Variants in UBE2E2 observed in about 807,000 individuals in gnomAD.
UBE2E2 encodes ubiquitin conjugating enzyme E2 E2.
UBE2E2 carries 6 observed loss-of-function variants against 24.7 expected under a neutral mutation model. The ratio of observed to expected loss-of-function variants is 0.24; its 90% CI spans 0.13 to 0.48. The LOEUF (loss-of-function observed/expected upper bound fraction) is 0.48, where lower values mean the gene tolerates loss of function less well. Among genes scored for constraint, UBE2E2 ranks in the 20% least tolerant of loss-of-function variants. The pLI is 0.99. For missense variants in UBE2E2, 169 were observed against 245.0 expected (o/e 0.69, Z 2.07); for synonymous variants, 104 against 83.6 (o/e 1.24, Z -1.33).
intron 5 of UBE2E2, among the ~76,000 whole-genome samples, chr3:23,545,638 C>T (rs1695505982): frequency 6.6e-6 from 1 of 152,132 alleles, no homozygotes; most frequent in Admixed American, 6.6e-5. Context: ...ATCTACCATT[C>T]AATCCAACAA....
At chr3:23,221,206 T>TA (rs1696626659) in intron 3 of UBE2E2, among the ~76,000 whole-genome samples, 1 of 152,236 alleles carries the variant, frequency 6.6e-6, no homozygotes, top group Admixed American at 6.5e-5. Flanking sequence ...AGGATGTAGT[T>TA]ATACTAGCAG....
intron 3 of UBE2E2, among the ~76,000 whole-genome samples, chr3:23,281,723 C>T (rs574618150): frequency 1.8e-4 from 28 of 152,190 alleles, no homozygotes; most frequent in Non-Finnish European, 2.6e-4. Context: ...GAATAAATAA[C>T]CAGTAAATAA....
intron 3 of UBE2E2, among the ~76,000 whole-genome samples, chr3:23,395,028 A>G (rs1697041731): frequency 6.6e-6 from 1 of 152,200 alleles, no homozygotes; most frequent in South Asian, 2.1e-4. Flanking sequence ...GAACAGGAAG[A>G]GAAAGATCAT....
chr3:23,288,692 T>C (rs906786419), intron 3 of UBE2E2, among the ~76,000 whole-genome samples: 13 of 152,362 alleles, frequency 8.5e-5, no homozygotes, highest in Non-Finnish European at 1.9e-4. Context: ...AGTTTTTGTT[T>C]TGAAATCTAT....
chr3:23,300,148 C>T (rs561136091), intron 3 of UBE2E2, among the ~76,000 whole-genome samples: 1 of 152,286 alleles, frequency 6.6e-6, no homozygotes, highest in African/African-American at 2.4e-5. Context: ...AGATCTTCCT[C>T]CATCCCTTTG....
At chr3:23,264,470 GTC>G (rs1290533554) in intron 3 of UBE2E2, among the ~76,000 whole-genome samples, 1 of 152,020 alleles carries the variant, frequency 6.6e-6, no homozygotes, top group East Asian at 1.9e-4. Flanking sequence ...CACAAAAGGA[GTC>G]TCTGGGAGAT....
intron 5 of UBE2E2, among the ~76,000 whole-genome samples, chr3:23,536,005 A>G (rs1695255548): frequency 6.6e-6 from 1 of 152,204 alleles, no homozygotes; most frequent in African/African-American, 2.4e-5. Context: ...GAATTGCCAA[A>G]GTTGAGAATA....
intron 3 of UBE2E2, among the ~76,000 whole-genome samples, chr3:23,303,979 C>G (rs958890505): frequency 1.3e-5 from 2 of 152,214 alleles, no homozygotes; most frequent in African/African-American, 2.4e-5. Flanking sequence ...GAGCTGGATT[C>G]TTCCCAGGGC....
chr3:23,393,134 A>T (rs1207973926), intron 3 of UBE2E2, among the ~76,000 whole-genome samples: 3 of 152,088 alleles, frequency 2.0e-5, no homozygotes, highest in African/African-American at 7.2e-5. Context: ...GCACAACCAG[A>T]TGGCTGTTGA....
chr3:23,282,360 G>C (rs568666898), intron 3 of UBE2E2, among the ~76,000 whole-genome samples: 3 of 152,200 alleles, frequency 2.0e-5, no homozygotes, highest in Non-Finnish European at 2.9e-5. Context: ...AGTCTTACCT[G>C]CTAATAAAAT....
chr3:23,273,649 TC>T (rs368847269), intron 3 of UBE2E2, among the ~76,000 whole-genome samples: 113 of 152,374 alleles, frequency 7.4e-4, no homozygotes, highest in African/African-American at 2.2e-3. Context: ...AGTCATAGTT[TC>T]CAGGAACCTA....
At chr3:23,223,401 C>T (rs1379938224) in intron 3 of UBE2E2, among the ~76,000 whole-genome samples, 5 of 152,102 alleles carry the variant, frequency 3.3e-5, no homozygotes, top group East Asian at 1.9e-4. Flanking sequence ...CCGTGTTGGC[C>T]GGGCTGGTCT....
chr3:23,528,169 A>ACC (rs963191469), intron 4 of UBE2E2, among the ~76,000 whole-genome samples: 1 of 152,190 alleles, frequency 6.6e-6, no homozygotes, highest in Non-Finnish European at 1.5e-5. Flanking sequence ...GAAACTCCTC[A>ACC]CCCCACATTT....
chr3:23,366,170 C>G (rs566306389), intron 3 of UBE2E2, among the ~76,000 whole-genome samples: 1 of 152,208 alleles, frequency 6.6e-6, no homozygotes, highest in African/African-American at 2.4e-5. Context: ...ATAATAGATG[C>G]TGTTGAGGTT....
chr3:23,279,148 A>G (rs1698434052), intron 3 of UBE2E2, among the ~76,000 whole-genome samples: 1 of 152,178 alleles, frequency 6.6e-6, no homozygotes, highest in African/African-American at 2.4e-5. Flanking sequence ...CACTGTTTAT[A>G]ATTGTATCAT....
chr3:23,302,242 T>C (rs1699117871), intron 3 of UBE2E2, among the ~76,000 whole-genome samples: 1 of 152,186 alleles, frequency 6.6e-6, no homozygotes, highest in Non-Finnish European at 1.5e-5. Flanking sequence ...TGGTTCTTAT[T>C]TCCTGCCTGC....
At chr3:23,233,816 T>C (rs1206727993) in intron 3 of UBE2E2, among the ~76,000 whole-genome samples, 3 of 152,168 alleles carry the variant, frequency 2.0e-5, no homozygotes, top group Non-Finnish European at 4.4e-5. Flanking sequence ...AAGGTGAAAA[T>C]ATGTAGTATT....
At chr3:23,364,001 C>A (rs888656625) in intron 3 of UBE2E2, among the ~76,000 whole-genome samples, 1 of 150,908 alleles carries the variant, frequency 6.6e-6, no homozygotes, top group African/African-American at 2.4e-5. Context: ...TGCTCAAAAG[C>A]ATACAATTAC....
chr3:23,388,724 A>T (rs1433503302), intron 3 of UBE2E2, among the ~76,000 whole-genome samples: 1 of 152,166 alleles, frequency 6.6e-6, no homozygotes, highest in Non-Finnish European at 1.5e-5. Context: ...AACATAATTC[A>T]GGCCAGGCAC....
Sources: allele counts gnomAD v4.1 joint callset (sites outside exome capture counted in the v4.1 genomes callset), GRCh38; gene constraint gnomAD v4.1.1; transcripts MANE v1.5; gene names NCBI Gene and HGNC (gene_info 2026-07-23, HGNC 2026-07-21).